The following SIPA1L1 variants were observed in gnomAD, a reference collection of about 807,000 sequenced individuals.
The protein encoded by SIPA1L1 is signal induced proliferation associated 1 like 1, also known as signal-induced proliferation-associated 1-like protein 1.
Under a neutral mutation model 162.7 loss-of-function variants are expected in SIPA1L1, and 26 were observed. That is an observed-to-expected ratio of 0.16 (90% CI 0.12 to 0.22). The LOEUF is 0.22. Among genes scored for constraint, SIPA1L1 ranks in the 10% least tolerant of loss-of-function variants. The pLI is 1.00. For synonymous variants in SIPA1L1, 829 were observed against 837.4 expected (o/e 0.99, Z 0.17); for missense variants, 1,874 against 2,241.0 (o/e 0.84, Z 3.31).
At chr14:71,718,336 A>G (rs536069530) in intron 17 of SIPA1L1, among the ~76,000 whole-genome samples, 4 of 152,368 alleles carry the variant, frequency 2.6e-5, no homozygotes, top group South Asian at 4.1e-4. Flanking sequence ...CTTTGTGCCT[A>G]AATCTAATCA....
At chr14:71,562,585 A>G (rs2056883721) in intron 4 of SIPA1L1, among the ~76,000 whole-genome samples, 1 of 152,234 alleles carries the variant, frequency 6.6e-6, no homozygotes, top group African/African-American at 2.4e-5. Context: ...TTGCATGTTA[A>G]GATTGGCATC....
Position 71,342,269 on chromosome 14 carries a change from T to C in SIPA1L1, c.-465+21088T>C, listed in dbSNP as rs547663229. On this transcript the variant is annotated intron_variant, in intron 2 of 23. Coordinates refer to ENST00000381232, the MANE Select transcript of SIPA1L1 (RefSeq NM_001386936.1). ...TCCACCTGCATTTTTGGGGGCCATT[T>C]TTTGTCCCCCAAAGTGCTGGGATTA... is the stretch of plus-strand genomic sequence containing the variant. Among the ~76,000 whole-genome samples, 6 of 152,208 alleles carry C rather than the reference T, an allele frequency of 3.9e-5. No homozygotes were observed. The South Asian group carries it at 1.2e-3, about 32-fold the overall frequency.
chr14:71,462,658 G>A (rs147870441), intron 2 of SIPA1L1, among the ~76,000 whole-genome samples: 2 of 152,100 alleles, frequency 1.3e-5, no homozygotes, highest in East Asian at 3.9e-4. Context: ...ATTTTAGTTG[G>A]ATTTATTTCC....
chr14:71,378,782 A>T (rs533517020), intron 2 of SIPA1L1, among the ~76,000 whole-genome samples: 1 of 151,548 alleles, frequency 6.6e-6, no homozygotes. Context: ...TTGTTGCTTC[A>T]TTTATTTTGA....
intron 2 of SIPA1L1, among the ~76,000 whole-genome samples, chr14:71,371,138 A>G (rs2038851579): frequency 6.6e-6 from 1 of 152,172 alleles, no homozygotes; most frequent in Non-Finnish European, 1.5e-5. Context: ...CTATTAGACT[A>G]AGTAGTTCAC....
At chr14:71,631,230 A>G (rs948735325) in intron 7 of SIPA1L1, among the ~76,000 whole-genome samples, 2 of 151,964 alleles carry the variant, frequency 1.3e-5, no homozygotes, top group African/African-American at 4.8e-5. Context: ...ATAGTATTCC[A>G]TGCATTTCAC....
chr14:71,709,466 A>C lies in SIPA1L1; in HGVS notation c.4010A>C (p.Lys1337Thr). 6.2e-7 allele frequency: 1 copy of C among 1,614,222 alleles called. No homozygotes were observed. Among genetic ancestry groups the C allele is most frequent in the East Asian group, 2.2e-5 (1 of 44,882 alleles). ...CCTCGCTCAGGGCCAGGCAAGGAGA[A>C]AGTGGCACCCCTATGGCACAGCTCC... ...SSPRSGPGKE[K>T]VAPLWHSSSE... is the part of the protein sequence containing the mutation. Residue 1337 changes from lysine (K) to threonine (T), a missense_variant, in exon 17 of 24, where the codon AAA becomes ACA. Physicochemically the swap from Lys to Thr is moderately conservative, Grantham distance 78. Transcript: ENST00000381232.
rs528857785 is a variant in SIPA1L1, at chr14:71,478,617, C to T, written c.-464-34126C>T. 2.0e-5 allele frequency among the ~76,000 whole-genome samples: 3 copies of T among 152,218 alleles called. No individual in the cohort carries two copies. The East Asian group carries it at 5.8e-4, about 29-fold the overall frequency. ...CTTTGTTGAAAACACAATCTTTCTC[C>T]ATTGAATTGCCATTGTACCTTTACC... On this transcript the variant is annotated intron_variant, in intron 2 of 23. Transcript: ENST00000381232.
chr14:71,480,041 C>T (rs2048218229), intron 2 of SIPA1L1, among the ~76,000 whole-genome samples: 1 of 151,828 alleles, frequency 6.6e-6, no homozygotes, highest in African/African-American at 2.4e-5. Context: ...ATGCAGTCCT[C>T]CTCTGTTTTT....
At chr14:71,339,685 C>T (rs1311022766) in intron 2 of SIPA1L1, among the ~76,000 whole-genome samples, 1 of 152,202 alleles carries the variant, frequency 6.6e-6, no homozygotes, top group Non-Finnish European at 1.5e-5. Context: ...TTTCATACAA[C>T]TTAATGTCTT....
chr14:71,534,242 C>T (rs1213024237), intron 4 of SIPA1L1, among the ~76,000 whole-genome samples: 2 of 152,152 alleles, frequency 1.3e-5, no homozygotes, highest in Non-Finnish European at 2.9e-5. Context: ...ATCACCCAAC[C>T]TCATTACCCT....
At chr14:71,662,760 A>G (rs1025340906) in intron 10 of SIPA1L1, among the ~76,000 whole-genome samples, 4 of 152,234 alleles carry the variant, frequency 2.6e-5, no homozygotes, top group Admixed American at 2.0e-4. Flanking sequence ...AACCCCCAAC[A>G]ATGAAGACCT....
intron 12 of SIPA1L1, among the ~76,000 whole-genome samples, chr14:71,680,446 T>C (rs952362419): frequency 1.3e-5 from 2 of 152,198 alleles, no homozygotes; most frequent in South Asian, 2.1e-4. Context: ...GGGAAACTTA[T>C]AGCACTAAAT....
intron 2 of SIPA1L1, among the ~76,000 whole-genome samples, chr14:71,494,484 G>A (rs545842996): frequency 5.3e-4 from 79 of 148,124 alleles, no homozygotes; most frequent in Non-Finnish European, 7.9e-4. Flanking sequence ...GATGAATCCC[G>A]TTTGGTCATA....
At chr14:71,615,844 A>T (rs1244440627) in intron 5 of SIPA1L1, among the ~76,000 whole-genome samples, 1 of 152,074 alleles carries the variant, frequency 6.6e-6, no homozygotes, top group Non-Finnish European at 1.5e-5. Context: ...AAAATATAAA[A>T]AATTAGCCGG....
chr14:71,649,088 T>C (rs2042407502), intron 7 of SIPA1L1, among the ~76,000 whole-genome samples: 1 of 152,196 alleles, frequency 6.6e-6, no homozygotes, highest in African/African-American at 2.4e-5. Context: ...TTCCCCCTTT[T>C]ATTAGATAAA....
intron 7 of SIPA1L1, among the ~76,000 whole-genome samples, chr14:71,637,096 A>AATT (rs111864429): frequency 7.0e-6 from 1 of 142,604 alleles, no homozygotes; most frequent in East Asian, 2.1e-4. Flanking sequence ...TTAAAAAAAA[A>AATT]TTTTTTTTTT....
At chr14:71,633,551 A>C (rs1437218906) in intron 7 of SIPA1L1, among the ~76,000 whole-genome samples, 1 of 152,232 alleles carries the variant, frequency 6.6e-6, no homozygotes, top group African/African-American at 2.4e-5. Flanking sequence ...TGGAAATGTT[A>C]GAACTGAAAA....
In SIPA1L1 at chr14:71,733,712, C is replaced by A. The variant is rs749240878; in HGVS notation, c.4908C>A (p.Thr1636=). The change falls in exon 21 of 24, where the codon ACC becomes ACA. Residue 1636 remains threonine, a synonymous_variant. Coordinates refer to ENST00000381232, the MANE Select transcript of SIPA1L1 (RefSeq NM_001386936.1). Reference sequence around the variant, plus strand: ...GCTCCCTCACTGACATCCAGGAGACCCGCAGGCAGCCTATGCCCGACCCTG... The same window carrying A: ...GCTCCCTCACTGACATCCAGGAGACACGCAGGCAGCCTATGCCCGACCCTG... The part of the protein sequence containing the change: ...SDSSLTDIQE[T]RRQPMPDPGL... 7 of 1,613,896 alleles carry A rather than the reference C, an allele frequency of 4.3e-6. No individual in the cohort carries two copies. The East Asian group carries it at 1.6e-4, about 36-fold the overall frequency.
Sources: allele counts gnomAD v4.1 joint callset (sites outside exome capture counted in the v4.1 genomes callset), GRCh38; gene constraint gnomAD v4.1.1; transcripts MANE v1.5; gene names NCBI Gene and HGNC (gene_info 2026-07-23, HGNC 2026-07-21).